REC114: variants seen among roughly 807,000 people sequenced by gnomAD.
The protein encoded by REC114 is REC114 meiotic recombination protein, also known as meiotic recombination protein REC114.
REC114 carries 27 observed loss-of-function variants against 31.3 expected under a neutral mutation model. The observed-to-expected ratio is 0.86, with a 90% confidence interval of 0.64 to 1.19. REC114 has a LOEUF of 1.19. Ranked by LOEUF, REC114 falls within the 50% of genes most tolerant of loss-of-function variation. The pLI, the probability that REC114 is intolerant of heterozygous loss-of-function variation, is 0.00. For synonymous variants in REC114, 134 were observed against 127.7 expected (o/e 1.05, Z -0.33); for missense variants, 344 against 326.9 (o/e 1.05, Z -0.40).
Position 73,556,407 on chromosome 15 carries a change from GTGTTCAATTTTCT to G in REC114, c.636+20_636+32del. The G allele has an allele frequency of 6.2e-7, 1 of 1,604,444 alleles. No individual in the cohort carries two copies. Among genetic ancestry groups the G allele is most frequent in the South Asian group, 1.1e-5 (1 of 89,736 alleles). On this transcript the variant is annotated intron_variant, in intron 5 of 5. Transcript: ENST00000331090. ...GTTAGCTCAGGTAGAGCTTATTTCT[GTGTTCAATTTTCT>G]TGTCATGAGAAGCAGTGACCCCTAA...
chr15:73,475,298 A>C (rs1893196022), intron 2 of REC114, among the ~76,000 whole-genome samples: 1 of 152,226 alleles, frequency 6.6e-6, no homozygotes, highest in African/African-American at 2.4e-5. Context: ...CAAGATACCC[A>C]CTACAGAGAA....
In REC114 at chr15:73,463,288, C is replaced by T. The variant is rs531691356; in HGVS notation, c.160-10544C>T. On this transcript the variant is annotated intron_variant, in intron 1 of 5. Transcript: ENST00000331090. Reference sequence around the variant, plus strand: ...GTTTCTCAGTCTGGATTTTGCTGACCGCCATCTCTGTGGTGCAGTTTAATG... The same window carrying T: ...GTTTCTCAGTCTGGATTTTGCTGACTGCCATCTCTGTGGTGCAGTTTAATG... Among the ~76,000 whole-genome samples the T allele has an allele frequency of 2.1e-4, 32 of 152,152 alleles. No individual in the cohort carries two copies. The South Asian group carries it at 3.3e-3, about 16-fold the overall frequency.
chr15:73,549,566 G>A (rs1005287979), intron 3 of REC114, among the ~76,000 whole-genome samples: 2 of 152,070 alleles, frequency 1.3e-5, no homozygotes, highest in Non-Finnish European at 2.9e-5. Context: ...TTGAATGCCT[G>A]TATCAAAACA....
intron 2 of REC114, among the ~76,000 whole-genome samples, chr15:73,506,706 T>C (rs539692597): frequency 5.9e-5 from 9 of 152,184 alleles, no homozygotes; most frequent in Non-Finnish European, 1.0e-4. Context: ...TGAATGAGTT[T>C]TATAAGTCTC....
chr15:73,508,437 CTTTTT>C (rs1186634944), intron 2 of REC114, among the ~76,000 whole-genome samples: 1 of 131,148 alleles, frequency 7.6e-6, no homozygotes, highest in Non-Finnish European at 1.7e-5. Flanking sequence ...TTTTTTTTTT[CTTTTT>C]TAATTTTTTT....
rs138072435 is a variant in REC114 at position 73,494,118 on chromosome 15, G to A, written c.249+20197G>A. On this transcript the variant is annotated intron_variant, in intron 2 of 5. Transcript: ENST00000331090. Reference sequence around the variant, plus strand: ...TTCTTCCATCACAATACCATGTCTTGCATAAATTCTTCAACAGTTTTGTCA... The same window carrying A: ...TTCTTCCATCACAATACCATGTCTTACATAAATTCTTCAACAGTTTTGTCA... Among the ~76,000 whole-genome samples, 407 of 152,246 alleles carry A rather than the reference G, an allele frequency of 2.7e-3. 2 individuals carry two copies. The highest frequency in any genetic ancestry group is 9.5e-3 in the African/African-American group (393 of 41,512).
intron 2 of REC114, among the ~76,000 whole-genome samples, chr15:73,496,225 G>A (rs962790423): frequency 2.0e-5 from 3 of 151,428 alleles, no homozygotes; most frequent in African/African-American, 7.3e-5. Context: ...GGTGGTGAAC[G>A]TCTGTGGTCC....
In REC114 at chr15:73,521,071, A is replaced by G. The variant is rs1475112023; in HGVS notation, c.250-19414A>G. On this transcript the variant is annotated intron_variant, in intron 2 of 5. Transcript: ENST00000331090. Reference sequence around the variant, plus strand: ...ATAGAGGATGAGTATCTCTTTCAGGATGGGCCAGAGTATAAAGAAAGTCTT... The same window carrying G: ...ATAGAGGATGAGTATCTCTTTCAGGGTGGGCCAGAGTATAAAGAAAGTCTT... Among the ~76,000 whole-genome samples, 4 of 152,170 alleles carry G rather than the reference A, an allele frequency of 2.6e-5. No individual in the cohort carries two copies. The East Asian group carries it at 7.7e-4, about 29-fold the overall frequency.
chr15:73,554,162 G>A (rs1272126014), intron 4 of REC114, among the ~76,000 whole-genome samples: 1 of 152,216 alleles, frequency 6.6e-6, no homozygotes, highest in Non-Finnish European at 1.5e-5. Flanking sequence ...ATAAGACAGT[G>A]TCTGAAGCTG....
intron 1 of REC114, among the ~76,000 whole-genome samples, chr15:73,445,830 C>T (rs1212437140): frequency 6.6e-6 from 1 of 152,046 alleles, no homozygotes; most frequent in Admixed American, 6.6e-5. Context: ...TCACTGATCA[C>T]AGATCACCAT....
chr15:73,542,013 C>A (rs981855275), intron 3 of REC114, among the ~76,000 whole-genome samples: 5 of 151,930 alleles, frequency 3.3e-5, no homozygotes, highest in South Asian at 4.1e-4. Flanking sequence ...GCCTAAAAAA[C>A]CAGATTTCTT....
chr15:73,487,021 C>CA (rs139331434), intron 2 of REC114, among the ~76,000 whole-genome samples: 3,794 of 143,398 alleles, frequency 0.026, 160 homozygotes, highest in African/African-American at 0.086. Context: ...AACTCTGTCT[C>CA]AAAAAAAAAA....
chr15:73,512,939 C>T (rs1382468210), intron 2 of REC114, among the ~76,000 whole-genome samples: 9 of 151,670 alleles, frequency 5.9e-5, no homozygotes, highest in Non-Finnish European at 1.3e-4. Context: ...TTGCTCTTCT[C>T]GAGGAGTATC....
At chr15:73,455,727 G>A (rs554919368) in intron 1 of REC114, among the ~76,000 whole-genome samples, 1 of 152,290 alleles carries the variant, frequency 6.6e-6, no homozygotes, top group African/African-American at 2.4e-5. Context: ...CAATTCGGAA[G>A]CAAATAAACT....
At chr15:73,468,564 C>T (rs1893092463) in intron 1 of REC114, among the ~76,000 whole-genome samples, 1 of 151,854 alleles carries the variant, frequency 6.6e-6, no homozygotes, top group Non-Finnish European at 1.5e-5. Context: ...TTTTTCCTGT[C>T]TGATTACAGT....
chr15:73,484,422 T>A (rs1316203514), intron 2 of REC114, among the ~76,000 whole-genome samples: 2 of 152,224 alleles, frequency 1.3e-5, no homozygotes, highest in Non-Finnish European at 2.9e-5. Flanking sequence ...TTCTGATTAT[T>A]AGCAGGAGGT....
intron 3 of REC114, among the ~76,000 whole-genome samples, chr15:73,546,832 A>G (rs2141333397): frequency 6.6e-6 from 1 of 151,868 alleles, no homozygotes; most frequent in South Asian, 2.1e-4. Context: ...AAAAAAAAAA[A>G]AAGAGTTCTG....
At position 73,559,943 on chromosome 15, in the gene REC114, A is replaced by AACTTCAAAGTATTGAAAAATGCTTCC; in HGVS notation, c.*28_*53dup. The AACTTCAAAGTATTGAAAAATGCTTCC allele has an allele frequency of 6.5e-7, 1 of 1,541,320 alleles. No individual in the cohort carries two copies. Among genetic ancestry groups the AACTTCAAAGTATTGAAAAATGCTTCC allele is most frequent in the Admixed American group, 2.3e-5 (1 of 43,534 alleles). On this transcript the variant is annotated 3_prime_UTR_variant, in exon 6 of 6. Transcript: ENST00000331090. ...GCTCTATATACATATATAACTAAGGAACTTCAAAGTATTGAAAAATGCTTC... is the reference window on the plus strand; with the variant it reads ...GCTCTATATACATATATAACTAAGGAACTTCAAAGTATTGAAAAATGCTTCCACTTCAAAGTATTGAAAAATGCTTC...
chr15:73,530,512 G>A (rs901969537), intron 2 of REC114, among the ~76,000 whole-genome samples: 1 of 152,144 alleles, frequency 6.6e-6, no homozygotes, highest in Non-Finnish European at 1.5e-5. Flanking sequence ...GCTGGGCATG[G>A]TGGTGCATGC....
Sources: gnomAD v4.1 joint callset for allele counts (sites outside exome capture counted in the v4.1 genomes callset) on GRCh38, gnomAD v4.1.1 for gene constraint, MANE v1.5 for transcripts, NCBI Gene and HGNC (gene_info 2026-07-23, HGNC 2026-07-21) for gene names.